The following ACCSL variants were observed in gnomAD, a reference collection of about 807,000 sequenced individuals.
ACCSL encodes the protein 1-aminocyclopropane-1-carboxylate synthase homolog (inactive) like.
ACCSL carries 55 observed loss-of-function variants against 61.7 expected under a neutral mutation model. The ratio of observed to expected loss-of-function variants is 0.89; its 90% CI spans 0.72 to 1.12. The LOEUF (loss-of-function observed/expected upper bound fraction) is 1.12, where lower values mean the gene tolerates loss of function less well. Ranked by LOEUF, ACCSL falls within the 50% of genes most tolerant of loss-of-function variation. The pLI is 0.00. For synonymous variants in ACCSL, 258 were observed against 264.3 expected (o/e 0.98, Z 0.23); for missense variants, 632 against 698.0 (o/e 0.91, Z 1.07).
the ACCSL span, among the ~76,000 whole-genome samples, chr11:43,952,096 G>A: frequency 6.6e-6 from 1 of 151,696 alleles, no homozygotes. Flanking sequence ...TTTTAGGTTG[G>A]GGATATATGT....
chr11:44,006,216 G>T, the ACCSL span, among the ~76,000 whole-genome samples: 1 of 152,214 alleles, frequency 6.6e-6, no homozygotes. Flanking sequence ...TGCTAGGTGG[G>T]AGGGCAAAGC....
the ACCSL span, among the ~76,000 whole-genome samples, chr11:43,933,915 C>T: frequency 4.6e-5 from 7 of 152,180 alleles, no homozygotes; most frequent in South Asian, 2.1e-4. Context: ...CCATGGCAGC[C>T]GCTGCAGCTG....
At chr11:44,057,746 C>T (rs768404158) in intron 11 of ACCSL, among the ~76,000 whole-genome samples, 15 of 149,474 alleles carry the variant, frequency 1.0e-4, no homozygotes, top group Admixed American at 2.7e-4. Context: ...TGACTCCTTG[C>T]CTCAGGGCTG....
At chr11:44,047,657 C>T (rs981504166), upstream of ACCSL, among the ~76,000 whole-genome samples, 2 of 152,162 alleles carry the variant, frequency 1.3e-5, no homozygotes, top group African/African-American at 4.8e-5. Flanking sequence ...TGTTTTTGAG[C>T]AGTAGAAACC....
At chr11:44,007,835 T>C in the ACCSL span, among the ~76,000 whole-genome samples, 1 of 152,226 alleles carries the variant, frequency 6.6e-6, no homozygotes, top group Non-Finnish European at 1.5e-5. Context: ...GTAGGTGCTC[T>C]GTACATGCTC....
At chr11:44,022,255 A>C in the ACCSL span, among the ~76,000 whole-genome samples, 2 of 152,122 alleles carry the variant, frequency 1.3e-5, no homozygotes, top group Non-Finnish European at 2.9e-5. Flanking sequence ...TGATCATGGA[A>C]TGTGTTTCCA....
the ACCSL span, among the ~76,000 whole-genome samples, chr11:44,027,206 A>T: frequency 6.6e-6 from 1 of 152,208 alleles, no homozygotes; most frequent in Admixed American, 6.5e-5. Context: ...ATGCTCTGGC[A>T]GACAGTCTAC....
the ACCSL span, among the ~76,000 whole-genome samples, chr11:43,949,261 G>T: frequency 1.3e-5 from 2 of 152,222 alleles, no homozygotes; most frequent in African/African-American, 2.4e-5. Context: ...ACAGGGGAGG[G>T]TGGTGGGCAC....
the ACCSL span, among the ~76,000 whole-genome samples, chr11:43,999,600 T>C: frequency 6.6e-5 from 10 of 152,206 alleles, no homozygotes; most frequent in African/African-American, 2.4e-4. Context: ...GTGAGTCTGC[T>C]ACTGAGTAAC....
chr11:44,008,038 G>A, the ACCSL span, among the ~76,000 whole-genome samples: 1 of 152,128 alleles, frequency 6.6e-6, no homozygotes, highest in Non-Finnish European at 1.5e-5. Flanking sequence ...CTAGCCTGGT[G>A]TGGGGATGTG....
At chr11:43,992,252 C>T in the ACCSL span, among the ~76,000 whole-genome samples, 26 of 151,926 alleles carry the variant, frequency 1.7e-4, no homozygotes, top group African/African-American at 6.3e-4. Context: ...CCGGGTTTTG[C>T]ATGTTGCCCA....
At chr11:44,002,103 G>A in the ACCSL span, among the ~76,000 whole-genome samples, 1 of 152,080 alleles carries the variant, frequency 6.6e-6, no homozygotes, top group Non-Finnish European at 1.5e-5. Context: ...CAAGGAGGGG[G>A]GAAGTGTTTG....
At chr11:43,992,771 A>G in the ACCSL span, among the ~76,000 whole-genome samples, 6 of 152,244 alleles carry the variant, frequency 3.9e-5, no homozygotes. Context: ...CGTATTCATT[A>G]GTATAGGTGC....
chr11:44,006,904 C>T, the ACCSL span, among the ~76,000 whole-genome samples: 20 of 152,222 alleles, frequency 1.3e-4, no homozygotes, highest in African/African-American at 4.8e-4. Context: ...TTATTTTTAG[C>T]GATGTTCTCC....
chr11:43,939,899 G>A, the ACCSL span, among the ~76,000 whole-genome samples: 2 of 152,102 alleles, frequency 1.3e-5, no homozygotes, highest in Non-Finnish European at 2.9e-5. Context: ...GAGCCACCGT[G>A]CCTGGACAGA....
the ACCSL span, among the ~76,000 whole-genome samples, chr11:44,015,704 A>T: frequency 6.6e-6 from 1 of 152,166 alleles, no homozygotes; most frequent in African/African-American, 2.4e-5. Flanking sequence ...TGTCTTAAAC[A>T]TTGGAGCTAA....
chr11:44,032,912 G>A, the ACCSL span, among the ~76,000 whole-genome samples: 1 of 152,206 alleles, frequency 6.6e-6, no homozygotes. Context: ...GCTCCCCCGA[G>A]GGAGACGCGG....
At chr11:43,931,978 G>C in the ACCSL span, among the ~76,000 whole-genome samples, 1 of 152,248 alleles carries the variant, frequency 6.6e-6, no homozygotes. Context: ...TGTCTGAGGA[G>C]AAGCACAGGC....
the ACCSL span, chr11:43,947,026 A>G: frequency 1.3e-5 from 2 of 152,224 alleles, no homozygotes; most frequent in Non-Finnish European, 2.9e-5. Flanking sequence ...GGTAATTTGT[A>G]AAGGAAAGAG....
Sources: gnomAD v4.1 joint callset for allele counts (sites outside exome capture counted in the v4.1 genomes callset) on GRCh38, gnomAD v4.1.1 for gene constraint, MANE v1.5 for transcripts, NCBI Gene and HGNC (gene_info 2026-07-23, HGNC 2026-07-21) for gene names.